Variants in NELL2 observed in about 807,000 individuals in gnomAD.
The protein encoded by NELL2 is protein kinase C-binding protein NELL2.
Under a neutral mutation model 109.6 loss-of-function variants are expected in NELL2, and 41 were observed. The ratio of observed to expected loss-of-function variants is 0.37; its 90% CI spans 0.29 to 0.49. NELL2 has a LOEUF of 0.49. NELL2 is among the 20% of genes least tolerant of loss of function. The probability of loss-of-function intolerance (pLI) is 0.98; values close to 1 mark genes in which losing one functional copy is unlikely to be tolerated. For synonymous variants in NELL2, 355 were observed against 344.7 expected (o/e 1.03, Z -0.33); for missense variants, 900 against 1,008.3 (o/e 0.89, Z 1.45).
At chr12:44,747,415 G>A (rs766083917) in intron 9 of NELL2, among the ~76,000 whole-genome samples, 60 of 151,774 alleles carry the variant, frequency 4.0e-4, no homozygotes, top group Non-Finnish European at 7.6e-4. Context: ...AAACCTGCAC[G>A]TTGTGCACAT....
At chr12:44,744,560 T>C (rs1035931769) in intron 9 of NELL2, among the ~76,000 whole-genome samples, 4 of 151,894 alleles carry the variant, frequency 2.6e-5, no homozygotes, top group African/African-American at 9.7e-5. Flanking sequence ...CTAGCAAGAC[T>C]AATAAAGAAG....
Position 44,532,741 on chromosome 12 carries a change from T to A in NELL2, c.1664-20A>T, listed in dbSNP as rs1306833736. On this transcript the variant is annotated intron_variant, in intron 15 of 19. Coordinates refer to ENST00000429094, the MANE Select transcript of NELL2 (RefSeq NM_001145108.2). ...CAATGTCTGGCAAAAAAAGAGGGAT[T>A]TTATAAAATTATTTATCTTCTTTGA... 1 of 1,594,482 alleles carries A rather than the reference T, an allele frequency of 6.3e-7. No homozygotes were observed. Among genetic ancestry groups the A allele is most frequent in the East Asian group, 2.2e-5 (1 of 44,506 alleles).
intron 1 of NELL2, among the ~76,000 whole-genome samples, chr12:44,886,310 T>C (rs1945473294): frequency 6.6e-6 from 1 of 151,894 alleles, no homozygotes; most frequent in Non-Finnish European, 1.5e-5. Context: ...AATGCACATA[T>C]ATCAAAAGAA....
chr12:44,596,943 C>T (rs1455593338), intron 15 of NELL2, among the ~76,000 whole-genome samples: 2 of 152,160 alleles, frequency 1.3e-5, no homozygotes, highest in Non-Finnish European at 2.9e-5. Flanking sequence ...GAGTTTGAAG[C>T]AGCTACTGTT....
At chr12:44,737,901 AT>A (rs1418428456) in intron 9 of NELL2, among the ~76,000 whole-genome samples, 7 of 152,010 alleles carry the variant, frequency 4.6e-5, no homozygotes, top group African/African-American at 1.7e-4. Flanking sequence ...AAAAAAAAAA[AT>A]GTATGACAGA....
At chr12:44,636,809 G>C (rs1409805270) in intron 13 of NELL2, among the ~76,000 whole-genome samples, 1 of 152,106 alleles carries the variant, frequency 6.6e-6, no homozygotes, top group Non-Finnish European at 1.5e-5. Flanking sequence ...AAATGAGTTA[G>C]GGAGGAGTCC....
intron 3 of NELL2, among the ~76,000 whole-genome samples, chr12:44,795,186 A>T (rs1270321958): frequency 6.6e-6 from 1 of 152,216 alleles, no homozygotes; most frequent in Non-Finnish European, 1.5e-5. Context: ...CCTTAAATTA[A>T]GCCTAAATAG....
chr12:44,846,637 T>G (rs1398918226), intron 2 of NELL2, among the ~76,000 whole-genome samples: 1 of 152,240 alleles, frequency 6.6e-6, no homozygotes, highest in Non-Finnish European at 1.5e-5. Context: ...TGCAAAAGTA[T>G]TATGATATTC....
At chr12:44,805,236 T>C (rs1942960900) in intron 3 of NELL2, among the ~76,000 whole-genome samples, 1 of 151,938 alleles carries the variant, frequency 6.6e-6, no homozygotes, top group African/African-American at 2.4e-5. Flanking sequence ...GAAATTTTTT[T>C]CATAAAACTT....
intron 11 of NELL2, among the ~76,000 whole-genome samples, chr12:44,705,351 T>C (rs1380315753): frequency 1.3e-5 from 2 of 152,216 alleles, no homozygotes; most frequent in Admixed American, 1.3e-4. Flanking sequence ...AAAAATAAAA[T>C]AAAATCGAAC....
At chr12:44,849,613 T>C (rs906431988) in intron 2 of NELL2, among the ~76,000 whole-genome samples, 2 of 152,142 alleles carry the variant, frequency 1.3e-5, no homozygotes, top group Non-Finnish European at 2.9e-5. Flanking sequence ...AAGTTAAATA[T>C]ACATCAACCC....
At chr12:44,561,415 T>C (rs1943464023) in intron 15 of NELL2, among the ~76,000 whole-genome samples, 1 of 152,196 alleles carries the variant, frequency 6.6e-6, no homozygotes, top group South Asian at 2.1e-4. Flanking sequence ...GACATGATTT[T>C]ATATTTTTAA....
chr12:44,558,852 G>T (rs1439130554), intron 15 of NELL2, among the ~76,000 whole-genome samples: 1 of 152,130 alleles, frequency 6.6e-6, no homozygotes, highest in African/African-American at 2.4e-5. Flanking sequence ...AAAAGGGGCT[G>T]AAGCCAGGGA....
Position 44,779,686 on chromosome 12 carries a change from T to C in NELL2, c.583A>G (p.Asn195Asp), listed in dbSNP as rs1157318118. 1.2e-6 allele frequency: 2 copies of C among 1,613,796 alleles called. No individual in the cohort carries two copies. Among genetic ancestry groups the C allele is most frequent in the Non-Finnish European group, 1.7e-6 (2 of 1,179,710 alleles). The change falls in exon 5 of 20, where the codon AAT (asparagine) becomes GAT (aspartate). Residue 195 changes from asparagine to aspartate, a missense_variant. Coordinates refer to ENST00000429094, the MANE Select transcript of NELL2 (RefSeq NM_001145108.2). ...LGTTFWLGQR[N>D]NAHGYFKGIM... is the part of the protein sequence containing the mutation. ...ACCTTAAAATATCCATGCGCATTAT[T>C]TCTCTGTCCTAGCCAAAATGTTGTG... is the stretch of plus-strand genomic sequence containing the variant.
At chr12:44,653,847 G>A (rs986516101) in intron 13 of NELL2, among the ~76,000 whole-genome samples, 2 of 152,204 alleles carry the variant, frequency 1.3e-5, no homozygotes, top group African/African-American at 4.8e-5. Flanking sequence ...TCTATAGACT[G>A]TCAGAAATGT....
chr12:44,762,043 T>G (rs1941149361), intron 9 of NELL2, among the ~76,000 whole-genome samples: 1 of 152,028 alleles, frequency 6.6e-6, no homozygotes, highest in Non-Finnish European at 1.5e-5. Flanking sequence ...TAAAATACAT[T>G]AAATATGTTT....
intron 15 of NELL2, among the ~76,000 whole-genome samples, chr12:44,570,547 T>A (rs1302101424): frequency 6.6e-6 from 1 of 152,166 alleles, no homozygotes; most frequent in Non-Finnish European, 1.5e-5. Flanking sequence ...AAAAAACTTG[T>A]TTGGATTTTC....
At chr12:44,561,440 C>T (rs956040547) in intron 15 of NELL2, among the ~76,000 whole-genome samples, 2 of 152,202 alleles carry the variant, frequency 1.3e-5, no homozygotes, top group Admixed American at 6.5e-5. Context: ...CCCATTGTCT[C>T]AGCCTCAACT....
intron 12 of NELL2, among the ~76,000 whole-genome samples, chr12:44,668,908 C>T (rs1207487243): frequency 1.3e-5 from 2 of 152,078 alleles, no homozygotes; most frequent in African/African-American, 4.8e-5. Flanking sequence ...ACTACCAGAA[C>T]CTGAGCACAC....
Sources: allele counts gnomAD v4.1 joint callset (sites outside exome capture counted in the v4.1 genomes callset), GRCh38; gene constraint gnomAD v4.1.1; transcripts MANE v1.5; gene names NCBI Gene and HGNC (gene_info 2026-07-23, HGNC 2026-07-21).